Variants in LAMA2 observed in about 807,000 individuals in gnomAD.
The protein encoded by LAMA2 is laminin subunit alpha-2.
LAMA2 carries 269 observed loss-of-function variants against 364.8 expected under a neutral mutation model. That is an observed-to-expected ratio of 0.74 (90% CI 0.67 to 0.82). LAMA2 has a LOEUF of 0.82. Among genes scored for constraint, LAMA2 ranks in the 40% least tolerant of loss-of-function variants. LAMA2 has a pLI of 0.00. For synonymous variants in LAMA2, 1,379 were observed against 1,370.6 expected, an observed-to-expected ratio of 1.01 and a Z score of -0.14; for missense variants, 3,807 against 3,873.2, an observed-to-expected ratio of 0.98 and a Z score of 0.45.
intron 19 of LAMA2, 140 bp from the exon 20 acceptor site, chr6:129,291,474 C>G (rs986310730): frequency 1.4e-6 from 1 of 700,568 alleles, no homozygotes; most frequent in East Asian, 2.7e-5. Flanking sequence ...GAATGCCTAA[C>G]AGGGCACTTA....
At chr6:128,941,828 A>T (rs563966716) in intron 1 of LAMA2, among the ~76,000 whole-genome samples, 4 of 152,242 alleles carry the variant, frequency 2.6e-5, no homozygotes, top group African/African-American at 9.6e-5. Context: ...TGGTTTTTCA[A>T]ATGCACCGTG....
In LAMA2 at chr6:129,478,707, T is replaced by C. The variant is rs774287164; in HGVS notation, c.7466T>C (p.Leu2489Pro). The C allele has an allele frequency of 2.7e-5, 43 of 1,613,452 alleles. No homozygotes were observed. The highest frequency in any genetic ancestry group is 3.4e-5 in the Non-Finnish European group (40 of 1,179,580). ...CTATTCAATAGGCCAGAAGTAAATC[T>C]GAAGAAATATTCCGGCTGCCTCAAA... is the stretch of plus-strand genomic sequence containing the variant. ...LSMKARPEVN[L>P]KKYSGCLKDI... Residue 2489 changes from leucine to proline, a missense_variant, in exon 54 of 65, where the codon CTG becomes CCG. Physicochemically the swap from Leu to Pro is moderately conservative, Grantham distance 98. Around this residue, in one of 3 missense-constraint regions of LAMA2, gnomAD observed 3,333 missense variants for 3,345.7 expected, o/e 1.00. Coordinates refer to ENST00000421865, the MANE Select transcript of LAMA2 (RefSeq NM_000426.4).
intron 39 of LAMA2, 60 bp from the exon 40 acceptor site, chr6:129,403,761 C>T (rs1200882462): frequency 2.2e-5 from 33 of 1,496,040 alleles, no homozygotes; most frequent in Non-Finnish European, 2.7e-5. Context: ...ATAATTAGGA[C>T]GTTCTTCATT....
intron 1 of LAMA2, among the ~76,000 whole-genome samples, chr6:128,980,895 A>G (rs1292592790): frequency 6.6e-6 from 1 of 152,242 alleles, no homozygotes. Context: ...AACGCGAATC[A>G]TTGGACAAAT....
chr6:129,087,326 A>AT (rs1332048833), intron 3 of LAMA2, among the ~76,000 whole-genome samples: 24 of 152,262 alleles, frequency 1.6e-4, no homozygotes, highest in Admixed American at 1.6e-3. Context: ...ATAAAATGTT[A>AT]TTTTCCCCAA....
chr6:129,012,819 A>G (rs1014409945), intron 1 of LAMA2, among the ~76,000 whole-genome samples: 2 of 152,190 alleles, frequency 1.3e-5, no homozygotes, highest in East Asian at 3.9e-4. Context: ...TGAGATACGG[A>G]TTTTGGAGGC....
chr6:129,404,025 T>G, intron 40 of LAMA2, 66 bp downstream of exon 40: 1 of 1,568,162 alleles, frequency 6.4e-7, no homozygotes, highest in Non-Finnish European at 8.8e-7. Flanking sequence ...CAAATGTAAG[T>G]CAGTCTGGAA....
At chr6:129,295,696 TTTGA>T (rs1773129385) in intron 20 of LAMA2, among the ~76,000 whole-genome samples, 2 of 152,022 alleles carry the variant, frequency 1.3e-5, no homozygotes, top group Admixed American at 6.5e-5. Context: ...TCATTTGATA[TTTGA>T]TTGATTTAAA....
chr6:128,911,628 G>A (rs879929169), intron 1 of LAMA2, among the ~76,000 whole-genome samples: 13 of 152,174 alleles, frequency 8.5e-5, no homozygotes, highest in Admixed American at 2.0e-4. Context: ...GCTGTAGACC[G>A]GAGCTGTTCC....
intron 51 of LAMA2, among the ~76,000 whole-genome samples, chr6:129,470,045 A>G (rs1783735471): frequency 6.6e-6 from 1 of 151,876 alleles, no homozygotes; most frequent in African/African-American, 2.4e-5. Flanking sequence ...GCAGGTGTAT[A>G]CAATTACATG....
At chr6:129,458,401 C>G (rs1177758881) in intron 48 of LAMA2, among the ~76,000 whole-genome samples, 1 of 151,838 alleles carries the variant, frequency 6.6e-6, no homozygotes, top group East Asian at 1.9e-4. Flanking sequence ...TATAGCAAAC[C>G]TTAGGAAATC....
intron 34 of LAMA2, among the ~76,000 whole-genome samples, chr6:129,380,290 G>T (rs115528052): frequency 2.4e-3 from 371 of 152,254 alleles, no homozygotes; most frequent in African/African-American, 8.2e-3. Flanking sequence ...CCAAAAGGAA[G>T]TAGGCAAGAA....
intron 1 of LAMA2, among the ~76,000 whole-genome samples, chr6:129,044,125 T>C (rs1017993292): frequency 5.3e-5 from 8 of 152,144 alleles, no homozygotes; most frequent in Non-Finnish European, 1.2e-4. Context: ...ATAGTCTTCC[T>C]GGCTTACCTG....
intron 52 of LAMA2, among the ~76,000 whole-genome samples, chr6:129,474,358 G>A (rs1284973632): frequency 6.6e-6 from 1 of 152,080 alleles, no homozygotes; most frequent in Non-Finnish European, 1.5e-5. Context: ...TGAAGCAACT[G>A]TCTAATTATC....
At chr6:129,511,851 T>C (rs1786610247) in intron 62 of LAMA2, among the ~76,000 whole-genome samples, 2 of 152,176 alleles carry the variant, frequency 1.3e-5, no homozygotes, top group African/African-American at 4.8e-5. Flanking sequence ...TCTCTCTTTA[T>C]TAATAAAATG....
chr6:129,314,810 AC>A lies in LAMA2; in HGVS notation c.3555+13del. ...TGATCCGGACGTGGGTGAGTAGGGAACTGCTGAGCCATGTAATGGTATAATG... is the reference window on the plus strand; with the variant it reads ...TGATCCGGACGTGGGTGAGTAGGGAATGCTGAGCCATGTAATGGTATAATG... On this transcript the variant is annotated intron_variant, in intron 24 of 64. Coordinates refer to ENST00000421865, the MANE Select transcript of LAMA2 (RefSeq NM_000426.4). The A allele has an allele frequency of 3.1e-6, 5 of 1,613,710 alleles. No individual in the cohort carries two copies. The highest frequency in any genetic ancestry group is 4.2e-6 in the Non-Finnish European group (5 of 1,179,748).
At chr6:129,152,508 T>C (rs547406157) in intron 7 of LAMA2, among the ~76,000 whole-genome samples, 60 of 152,336 alleles carry the variant, frequency 3.9e-4, no homozygotes, top group African/African-American at 1.4e-3. Flanking sequence ...CATATTATCA[T>C]GATCCTCGTC....
intron 28 of LAMA2, among the ~76,000 whole-genome samples, chr6:129,324,104 C>T (rs1452613217): frequency 3.3e-5 from 5 of 152,184 alleles, no homozygotes; most frequent in Non-Finnish European, 7.3e-5. Context: ...TTTTCATGTA[C>T]AGACAAGTGT....
chr6:129,056,897 AT>A (rs11321173), intron 2 of LAMA2, among the ~76,000 whole-genome samples: 131,464 of 141,292 alleles, frequency 0.93, 61,222 homozygotes, highest in East Asian at 0.96. Context: ...TGCCTGTGCT[AT>A]TTTTTTTTTT....
Sources: gnomAD v4.1 joint callset for allele counts (sites outside exome capture counted in the v4.1 genomes callset) on GRCh38, gnomAD v4.1.1 for gene constraint, gnomAD v4.1.1 regional missense constraint, MANE v1.5 for transcripts, NCBI Gene and HGNC (gene_info 2026-07-23, HGNC 2026-07-21) for gene names.